The following PALM2AKAP2 variants were observed in gnomAD, a reference collection of about 807,000 sequenced individuals.
PALM2AKAP2 encodes the protein PALM2-AKAP2 fusion protein.
Under a neutral mutation model 71.5 loss-of-function variants are expected in PALM2AKAP2, and 37 were observed. That is an observed-to-expected ratio of 0.52 (90% confidence interval 0.40 to 0.68). The LOEUF (loss-of-function observed/expected upper bound fraction) is 0.68, where lower values mean the gene tolerates loss of function less well. Among genes scored for constraint, PALM2AKAP2 ranks in the 30% least tolerant of loss-of-function variants. PALM2AKAP2 has a pLI of 0.00. For synonymous variants in PALM2AKAP2, 468 were observed against 478.8 expected, an observed-to-expected ratio of 0.98 and a Z score of 0.29; for missense variants, 1,224 against 1,191.8, an observed-to-expected ratio of 1.03 and a Z score of -0.40.
At chr9:109,756,782 G>A (rs1303186912) in intron 1 of PALM2AKAP2, among the ~76,000 whole-genome samples, 1 of 152,040 alleles carries the variant, frequency 6.6e-6, no homozygotes, top group East Asian at 1.9e-4. Flanking sequence ...TGATTGCTTT[G>A]AATCACTTGA....
chr9:109,993,758 C>G (rs893150795), intron 6 of PALM2AKAP2, among the ~76,000 whole-genome samples: 6 of 150,994 alleles, frequency 4.0e-5, no homozygotes, highest in African/African-American at 1.5e-4. Flanking sequence ...GTTTTTCTCT[C>G]TCTCCTTTCC....
chr9:109,871,390 C>T (rs560569864), intron 2 of PALM2AKAP2, among the ~76,000 whole-genome samples: 1 of 152,234 alleles, frequency 6.6e-6, no homozygotes, highest in East Asian at 1.9e-4. Flanking sequence ...ATTTTTAAAG[C>T]ATCCTTAGCT....
At chr9:110,139,973 G>A (rs1166065056) in intron 2 of PALM2AKAP2, among the ~76,000 whole-genome samples, 3 of 152,170 alleles carry the variant, frequency 2.0e-5, no homozygotes, top group African/African-American at 7.2e-5. Flanking sequence ...ATGGTGACAG[G>A]TGTCAACTCT....
At chr9:110,057,736 G>A (rs141242819) in intron 1 of PALM2AKAP2, among the ~76,000 whole-genome samples, 19 of 152,214 alleles carry the variant, frequency 1.2e-4, no homozygotes, top group African/African-American at 4.6e-4. Context: ...TGTGGTCTGG[G>A]GACCTGCAGC....
chr9:110,023,036 C>G (rs1470865020), intron 7 of PALM2AKAP2, among the ~76,000 whole-genome samples: 1 of 152,050 alleles, frequency 6.6e-6, no homozygotes, highest in Non-Finnish European at 1.5e-5. Context: ...CCACAATAAA[C>G]ATACGTGTGC....
chr9:109,819,579 C>T (rs1332658819), intron 1 of PALM2AKAP2, among the ~76,000 whole-genome samples: 2 of 151,940 alleles, frequency 1.3e-5, no homozygotes, highest in East Asian at 1.9e-4. Context: ...GAGTGGCCCC[C>T]CAGAAGCACA....
chr9:109,651,951 C>T (rs1827231203), intron 1 of PALM2AKAP2, among the ~76,000 whole-genome samples: 1 of 151,974 alleles, frequency 6.6e-6, no homozygotes, highest in Non-Finnish European at 1.5e-5. Context: ...GTAAATAGGT[C>T]TTTATAGTAT....
intron 1 of PALM2AKAP2, among the ~76,000 whole-genome samples, chr9:109,858,083 A>G (rs530710468): frequency 9.1e-4 from 139 of 152,338 alleles, no homozygotes; most frequent in African/African-American, 3.3e-3. Context: ...TGTTAGTTCC[A>G]TCTTTGCTGT....
intron 1 of PALM2AKAP2, among the ~76,000 whole-genome samples, chr9:110,056,140 A>G (rs1366508316): frequency 6.6e-6 from 1 of 152,192 alleles, no homozygotes; most frequent in Non-Finnish European, 1.5e-5. Context: ...GCTCATCCAG[A>G]GTCCTCCTGA....
chr9:109,708,275 A>G (rs1015435411), intron 1 of PALM2AKAP2, among the ~76,000 whole-genome samples: 2 of 152,124 alleles, frequency 1.3e-5, no homozygotes, highest in Non-Finnish European at 1.5e-5. Flanking sequence ...ATCACATGCT[A>G]CAAGAGTAAG....
chr9:109,928,973 C>T (rs539221139), intron 5 of PALM2AKAP2, among the ~76,000 whole-genome samples: 3 of 152,196 alleles, frequency 2.0e-5, no homozygotes, highest in African/African-American at 7.2e-5. Flanking sequence ...AGCCCATTCC[C>T]TTATCTCTTA....
At chr9:109,667,248 A>G (rs1026144998) in intron 1 of PALM2AKAP2, among the ~76,000 whole-genome samples, 1 of 152,200 alleles carries the variant, frequency 6.6e-6, no homozygotes, top group Non-Finnish European at 1.5e-5. Context: ...ATGATGACAG[A>G]TAGATAAAAA....
At chr9:109,662,946 T>G (rs1209609493) in intron 1 of PALM2AKAP2, among the ~76,000 whole-genome samples, 1 of 152,216 alleles carries the variant, frequency 6.6e-6, no homozygotes, top group South Asian at 2.1e-4. Context: ...TTTTCAAGTT[T>G]ATTTGCGTAG....
chr9:110,102,010 C>T (rs891000978), intron 1 of PALM2AKAP2, among the ~76,000 whole-genome samples: 3 of 152,212 alleles, frequency 2.0e-5, no homozygotes, highest in African/African-American at 4.8e-5. Context: ...TCATTTAGCA[C>T]TGTGACACTC....
intron 6 of PALM2AKAP2, among the ~76,000 whole-genome samples, chr9:109,952,195 C>T (rs1256688611): frequency 6.6e-6 from 1 of 152,206 alleles, no homozygotes; most frequent in Non-Finnish European, 1.5e-5. Flanking sequence ...TTCTAATAAA[C>T]TTTATTTACA....
rs144503640 is a variant in PALM2AKAP2 at position 109,676,926 on chromosome 9, T to C, written c.5+36060T>C. 1.7e-3 allele frequency among the ~76,000 whole-genome samples: 263 copies of C among 152,314 alleles called. 3 individuals carry two copies. The South Asian group carries it at 0.032, about 18-fold the overall frequency. ...GGGAAGTGCTTACTGTAATTGAGTG[T>C]TATTTAGTCATTGATTATCTTTGGC... On this transcript the variant is annotated intron_variant, in intron 1 of 6. Coordinates refer to the PALM2AKAP2 transcript ENST00000374531.
chr9:109,746,518 G>A (rs1278444615), intron 1 of PALM2AKAP2, among the ~76,000 whole-genome samples: 2 of 152,010 alleles, frequency 1.3e-5, no homozygotes, highest in African/African-American at 4.8e-5. Context: ...CAATCTTAGG[G>A]TCAGAGCTAA....
chr9:109,773,785 G>T (rs1460631810), intron 1 of PALM2AKAP2, among the ~76,000 whole-genome samples: 1 of 152,194 alleles, frequency 6.6e-6, no homozygotes, highest in Non-Finnish European at 1.5e-5. Flanking sequence ...GCTGCTTTGG[G>T]GAAAGGCAGT....
intron 6 of PALM2AKAP2, among the ~76,000 whole-genome samples, chr9:109,978,071 G>A (rs1349014271): frequency 2.0e-5 from 3 of 152,144 alleles, no homozygotes; most frequent in African/African-American, 7.2e-5. Context: ...CTAGAAAAGA[G>A]AGGAAGAGAT....
Sources: gnomAD v4.1 joint callset for allele counts (sites outside exome capture counted in the v4.1 genomes callset) on GRCh38, gnomAD v4.1.1 for gene constraint, MANE v1.5 for transcripts, NCBI Gene and HGNC (gene_info 2026-07-23, HGNC 2026-07-21) for gene names.